Variants in ZNF287 observed in about 807,000 individuals in gnomAD.
ZNF287 encodes zinc finger protein 287.
In ZNF287, 31 loss-of-function variants were observed where a neutral mutation model predicts 73.7. That is an observed-to-expected ratio of 0.42 (90% CI 0.32 to 0.57). The LOEUF is 0.57. Ranked by LOEUF, ZNF287 falls within the 20% of genes least tolerant of loss-of-function variation. The probability of loss-of-function intolerance (pLI) is 0.13; values close to 1 mark genes in which losing one functional copy is unlikely to be tolerated. For missense variants in ZNF287, 641 were observed against 909.3 expected (o/e 0.70, Z 3.79); for synonymous variants, 301 against 307.2 (o/e 0.98, Z 0.21).
In ZNF287 at chr17:16,547,918, CAT is replaced by C. The variant is rs1364584941; in HGVS notation, c.*3936_*3937del. Among the ~76,000 whole-genome samples, 2 of 152,190 alleles carry C rather than the reference CAT, an allele frequency of 1.3e-5. No individual in the cohort carries two copies. The highest frequency in any genetic ancestry group is 2.9e-5 in the Non-Finnish European group (2 of 68,028). ...TCATAAATGACTTAACACATTGAATCATGTGTTATCACTGCAGATGAAAGCAT... is the reference window on the plus strand; with the variant it reads ...TCATAAATGACTTAACACATTGAATCGTGTTATCACTGCAGATGAAAGCAT... On this transcript the variant is annotated 3_prime_UTR_variant, in exon 6 of 6. Coordinates refer to ENST00000395825, the MANE Select transcript of ZNF287 (RefSeq NM_020653.4).
rs750125497 is a variant in ZNF287 at position 16,566,562 on chromosome 17, G to T, written c.464C>A (p.Ala155Asp). ...TPEEDPRGKH[A>D]FQTGWLNDLV... ...GTCATTTAGCCATCCTGTCTGGAAAGCATGTTTTCCTCTGGGGTCTTCCTC... is the reference window on the plus strand; with the variant it reads ...GTCATTTAGCCATCCTGTCTGGAAATCATGTTTTCCTCTGGGGTCTTCCTC... Residue 155 changes from alanine (A) to aspartate (D), a missense_variant, in exon 3 of 6, where the codon GCT (alanine) becomes GAT (aspartate). Around this residue, in one of 2 missense-constraint regions of ZNF287, gnomAD observed 357 missense variants for 442.4 expected, o/e 0.81. Coordinates refer to ENST00000395825, the MANE Select transcript of ZNF287 (RefSeq NM_020653.4). The T allele has an allele frequency of 2.5e-6, 4 of 1,613,458 alleles. No individual in the cohort carries two copies. Among genetic ancestry groups the T allele is most frequent in the Non-Finnish European group, 3.4e-6 (4 of 1,179,754 alleles).
intron 5 of ZNF287, chr17:16,558,500 A>G (rs905983656): frequency 6.6e-6 from 1 of 152,146 alleles, no homozygotes; most frequent in African/African-American, 2.4e-5. Context: ...AGGTCTCACT[A>G]TGTTGCCCAG....
rs538043317 is a variant in ZNF287, at chr17:16,558,918, A to C, written c.715+4228T>G. The C allele has an allele frequency of 3.3e-5, 5 of 152,274 alleles. No homozygotes were observed. In the East Asian group the frequency reaches 7.7e-4, roughly 23 times the overall value. The allele number at this position is 152,274 out of a possible 1,614,324, so 9.4% of individuals were successfully genotyped here. ...CTTGAATGCAGGAGATGGAGGTTGC[A>C]GTGAGCCATGATCACACCATTGCAC... On this transcript the variant is annotated intron_variant, in intron 5 of 5. Transcript: ENST00000395825.
chr17:16,563,101 T>C (rs1405780042), intron 5 of ZNF287, 45 bp downstream of exon 5: 4 of 1,420,740 alleles, frequency 2.8e-6, no homozygotes, highest in African/African-American at 1.4e-5. Context: ...ATTTAGGATA[T>C]AGATTCTTAA....
rs547766335 is a variant in ZNF287, at chr17:16,566,518, C to A, written c.501+7G>T. 9.9e-6 allele frequency: 16 copies of A among 1,610,018 alleles called. No homozygotes were observed. Among genetic ancestry groups the A allele is most frequent in the African/African-American group, 2.7e-5 (2 of 74,868 alleles). ...ATTTTAAAATCAGAAAAGACAGTCA[C>A]ACTCACTTTGGTCACCAAGTCATTT... On this transcript the variant is annotated splice_region_variant and intron_variant, in intron 3 of 5. Transcript: ENST00000395825.
chr17:16,559,657 C>T lies in ZNF287; in HGVS notation c.715+3489G>A, dbSNP rs541142283. On this transcript the variant is annotated intron_variant, in intron 5 of 5. Transcript: ENST00000395825. Reference sequence around the variant, plus strand: ...CAATGATACCCATAAACAGTGAATACGCTTATGGCCCAGATCTTGGTTTCT... The same window carrying T: ...CAATGATACCCATAAACAGTGAATATGCTTATGGCCCAGATCTTGGTTTCT... 2.7e-4 allele frequency among the ~76,000 whole-genome samples: 41 copies of T among 151,740 alleles called. No homozygotes were observed. In the South Asian group the frequency reaches 3.5e-3, roughly 13 times the overall value.
In ZNF287 at chr17:16,549,222, A is replaced by G. The variant is rs1480933095; in HGVS notation, c.*2634T>C. 6.6e-6 allele frequency among the ~76,000 whole-genome samples: 1 copy of G among 152,248 alleles called. No individual in the cohort carries two copies. The highest frequency in any genetic ancestry group is 1.5e-5 in the Non-Finnish European group (1 of 68,044). On this transcript the variant is annotated 3_prime_UTR_variant, in exon 6 of 6. Coordinates refer to ENST00000395825, the MANE Select transcript of ZNF287 (RefSeq NM_020653.4). ...AACTGTTGAATAATTTGCGGGTCAG[A>G]CAACTGTAAAAGTGGGAAAAATACA...
chr17:16,553,397 G>T lies in ZNF287; in HGVS notation c.745C>A (p.Pro249Thr), dbSNP rs778859455. 2.5e-6 allele frequency: 4 copies of T among 1,573,144 alleles called. No individual in the cohort carries two copies. Among genetic ancestry groups the T allele is most frequent in the Admixed American group, 1.9e-5 (1 of 52,590 alleles). The change falls in exon 6 of 6, where the codon CCA becomes ACA. Residue 249 changes from proline (P) to threonine (T), a missense_variant. This residue lies in a region of ZNF287 where 357 missense variants were observed against 442.4 expected (regional missense o/e 0.81). Transcript: ENST00000395825. ...GTGAGTTTAGACATATCCTCCACTG[G>T]AGTACATGCTTGGGCTTTAGTTTCC... is the stretch of plus-strand genomic sequence containing the variant. ...EWETKAQACTPVEDMSKLTKE... is the reference protein window; with the variant it reads ...EWETKAQACTTVEDMSKLTKE...
At chr17:16,568,452 C>T (rs1221537873) in intron 1 of ZNF287, among the ~76,000 whole-genome samples, 2 of 152,108 alleles carry the variant, frequency 1.3e-5, no homozygotes, top group East Asian at 3.9e-4. Flanking sequence ...GGAAGACCAG[C>T]GGGTTGGACT....
chr17:16,556,586 A>G (rs1427969816), intron 5 of ZNF287, among the ~76,000 whole-genome samples: 1 of 152,176 alleles, frequency 6.6e-6, no homozygotes, highest in African/African-American at 2.4e-5. Context: ...TGAAAGAAAA[A>G]AATTTATAAA....
Position 16,553,344 on chromosome 17 carries a change from T to A in ZNF287, c.798A>T (p.Leu266Phe), listed in dbSNP as rs1301051547. The A allele has an allele frequency of 1.2e-6, 2 of 1,613,096 alleles. No homozygotes were observed. Among genetic ancestry groups the A allele is most frequent in the Non-Finnish European group, 8.5e-7 (1 of 1,179,492 alleles). The change falls in exon 6 of 6, where the codon TTA becomes TTT. Residue 266 changes from leucine (L) to phenylalanine (F), a missense_variant. Around this residue, in one of 2 missense-constraint regions of ZNF287, gnomAD observed 357 missense variants for 442.4 expected, o/e 0.81. Transcript: ENST00000395825. Reference protein sequence around the residue: ...LTKEETHTIKLEDSYDYDDRL... With the variant: ...LTKEETHTIKFEDSYDYDDRL... The stretch of plus-strand genomic sequence containing the variant: ...TATCATCGTAGTCATATGAGTCTTC[T>A]AATTTGATGGTATGGGTTTCTTCCT...
At chr17:16,561,278 C>T (rs1212587177) in intron 5 of ZNF287, among the ~76,000 whole-genome samples, 1 of 152,172 alleles carries the variant, frequency 6.6e-6, no homozygotes, top group Non-Finnish European at 1.5e-5. Context: ...CACGCCACTG[C>T]ACTCCACCCT....
At chr17:16,563,645 A>T in intron 4 of ZNF287, 54 bp downstream of exon 4, 4 of 1,569,934 alleles carry the variant, frequency 2.5e-6, no homozygotes, top group South Asian at 2.4e-5. Flanking sequence ...CTGAGGACCA[A>T]CCCATTTTTA....
At chr17:16,555,672 A>G (rs998872263) in intron 5 of ZNF287, among the ~76,000 whole-genome samples, 4 of 151,414 alleles carry the variant, frequency 2.6e-5, no homozygotes, top group African/African-American at 9.7e-5. Flanking sequence ...TTGACCCTCA[A>G]TCTAACCTGG....
At position 16,552,390 on chromosome 17, in the gene ZNF287, G is replaced by A; in HGVS notation, c.1752C>T (p.Thr584=). ...TATAGGATTTCTCTCCAGTGTGAGT[G>A]GTTTGATGTTGAATAAGGGTTGAGG... is the stretch of plus-strand genomic sequence containing the variant. ...AHSSTLIQHQ[T]THTGEKSYIC... Residue 584 remains threonine, a synonymous_variant, in exon 6 of 6, where the codon ACC becomes ACT. Transcript: ENST00000395825. The surrounding 1 kb of genome is among the most constrained non-coding windows in gnomAD (Gnocchi z 6.5). 2 of 1,613,608 alleles carry A rather than the reference G, an allele frequency of 1.2e-6. No individual in the cohort carries two copies. Among genetic ancestry groups the A allele is most frequent in the Middle Eastern group, 1.7e-4 (1 of 6,054 alleles).
chr17:16,563,334 A>C (rs1198622971), intron 4 of ZNF287, 102 bp from the exon 5 acceptor site: 1 of 767,484 alleles, frequency 1.3e-6, no homozygotes, highest in Non-Finnish European at 2.1e-6. Flanking sequence ...CCTCTGTAGG[A>C]AAACAATAGT....
In ZNF287 at chr17:16,547,110, T is replaced by A. The variant is rs1906309475; in HGVS notation, c.*4746A>T. ...ACACCAGAAGACAAAGAATGAAACA[T>A]AACAGCCTTAAAGTTTTAGAGACCA... On this transcript the variant is annotated 3_prime_UTR_variant, in exon 6 of 6. Transcript: ENST00000395825. Among the ~76,000 whole-genome samples, 1 of 152,126 alleles carries A rather than the reference T, an allele frequency of 6.6e-6. No homozygotes were observed. Among genetic ancestry groups the A allele is most frequent in the South Asian group, 2.1e-4 (1 of 4,824 alleles).
chr17:16,556,291 T>G (rs1907064503), intron 5 of ZNF287, among the ~76,000 whole-genome samples: 1 of 152,174 alleles, frequency 6.6e-6, no homozygotes, highest in African/African-American at 2.4e-5. Flanking sequence ...CTTTTTTTAC[T>G]TTTATTCAAA....
At chr17:16,556,626 C>A (rs1245398156) in intron 5 of ZNF287, among the ~76,000 whole-genome samples, 1 of 151,992 alleles carries the variant, frequency 6.6e-6, no homozygotes, top group Non-Finnish European at 1.5e-5. Context: ...ATTTGTTATT[C>A]CCCTCCCCAG....
Sources: gnomAD v4.1 joint callset for allele counts (sites outside exome capture counted in the v4.1 genomes callset) on GRCh38, gnomAD v4.1.1 for gene constraint, gnomAD v4.1.1 regional missense constraint, Gnocchi (gnomAD v3.1) non-coding constraint, MANE v1.5 for transcripts, NCBI Gene and HGNC (gene_info 2026-07-23, HGNC 2026-07-21) for gene names.